BMP8A: variants seen among roughly 807,000 people sequenced by gnomAD.
BMP8A encodes the protein BMP-8A.
Under a neutral mutation model 36.8 loss-of-function variants are expected in BMP8A, and 14 were observed. The ratio of observed to expected loss-of-function variants is 0.38; its 90% CI spans 0.25 to 0.60. The LOEUF (loss-of-function observed/expected upper bound fraction) is 0.60, where lower values mean the gene tolerates loss of function less well. BMP8A is among the 20% of genes least tolerant of loss of function. The pLI is 0.63. For missense variants in BMP8A, 267 were observed against 551.1 expected, an observed-to-expected ratio of 0.48 and a Z score of 5.16; for synonymous variants, 120 against 237.7, an observed-to-expected ratio of 0.50 and a Z score of 4.55.
intron 1 of BMP8A, among the ~76,000 whole-genome samples, chr1:39,503,623 C>G (rs1307764769): frequency 6.6e-6 from 1 of 151,120 alleles, no homozygotes; most frequent in Non-Finnish European, 1.5e-5. Context: ...CAAGTGATTC[C>G]CCTGCCTCAG....
chr1:39,510,048 G>A (rs1363466005), intron 1 of BMP8A, among the ~76,000 whole-genome samples: 1 of 150,156 alleles, frequency 6.7e-6, no homozygotes, highest in East Asian at 2.0e-4. Flanking sequence ...TTCCAGCCTG[G>A]CCTCTACCCT....
chr1:39,522,396 C>T lies in BMP8A; in HGVS notation c.869-7C>T. Reference sequence around the variant, plus strand: ...CAGAAAAGACCTTGCCCCTTCTGTCCCTGCAGATGACGTCCGCGGCTCCCA... The same window carrying T: ...CAGAAAAGACCTTGCCCCTTCTGTCTCTGCAGATGACGTCCGCGGCTCCCA... On this transcript the variant is annotated splice_region_variant and splice_polypyrimidine_tract_variant and intron_variant, in intron 4 of 6. Transcript: ENST00000331593. 1 of 1,578,148 alleles carries T rather than the reference C, an allele frequency of 6.3e-7. No individual in the cohort carries two copies. Among genetic ancestry groups the T allele is most frequent in the Non-Finnish European group, 8.6e-7 (1 of 1,157,580 alleles).
intron 1 of BMP8A, among the ~76,000 whole-genome samples, chr1:39,494,255 G>A (rs546487242): frequency 6.6e-6 from 1 of 152,104 alleles, no homozygotes; most frequent in South Asian, 2.1e-4. Context: ...GCCAATCAAA[G>A]GTGTTTGTAC....
At chr1:39,511,132 G>A (rs372200794) in intron 1 of BMP8A, 42 bp from the exon 2 acceptor site, 47 of 1,305,502 alleles carry the variant, frequency 3.6e-5, no homozygotes, top group African/African-American at 1.0e-4. Context: ...TCCAGAGCCC[G>A]AGCCATTCTG....
At chr1:39,504,388 C>A (rs1342480592) in intron 1 of BMP8A, among the ~76,000 whole-genome samples, 6 of 152,314 alleles carry the variant, frequency 3.9e-5, no homozygotes, top group Admixed American at 3.9e-4. Flanking sequence ...AGAGGGTCAG[C>A]AGGAAAACAT....
intron 1 of BMP8A, among the ~76,000 whole-genome samples, chr1:39,500,517 A>G (rs969121338): frequency 6.6e-6 from 1 of 152,074 alleles, no homozygotes; most frequent in Admixed American, 6.5e-5. Context: ...AAACCTGTTC[A>G]AGGTGACCCG....
chr1:39,492,602 G>C (rs577274785), intron 1 of BMP8A, among the ~76,000 whole-genome samples: 2 of 152,346 alleles, frequency 1.3e-5, no homozygotes, highest in South Asian at 4.1e-4. Flanking sequence ...ATTAGGTGAT[G>C]TCTTTGCCCA....
chr1:39,497,421 C>T (rs1439248483), intron 1 of BMP8A, among the ~76,000 whole-genome samples: 3 of 152,138 alleles, frequency 2.0e-5, no homozygotes, highest in East Asian at 1.9e-4. Context: ...GGGGGCTGAT[C>T]GATTGTGCCC....
chr1:39,507,080 G>A lies in BMP8A; in HGVS notation c.335-4094G>A, dbSNP rs1288721430. On this transcript the variant is annotated intron_variant, in intron 1 of 6. Coordinates refer to ENST00000331593, the MANE Select transcript of BMP8A (RefSeq NM_181809.4). ...GATCACTGTCCCAGATTTTGCAGAC[G>A]GGGGAACTAGATGTACTGCCCAGAA... is the stretch of plus-strand genomic sequence containing the variant. Among the ~76,000 whole-genome samples, 3 of 152,264 alleles carry A rather than the reference G, an allele frequency of 2.0e-5. No individual in the cohort carries two copies. In the East Asian group the frequency reaches 5.8e-4, roughly 29 times the overall value.
At position 39,527,868 on chromosome 1, in the gene BMP8A, C is replaced by T. The variant is rs529910087; in HGVS notation, c.*2070C>T. On this transcript the variant is annotated 3_prime_UTR_variant, in exon 7 of 7. Transcript: ENST00000331593. ...ACATAGGACTCTTTAATTCCAAAGG[C>T]TCTTCCAACCCAGAGAACCCATCTG... Among the ~76,000 whole-genome samples the T allele has an allele frequency of 1.1e-4, 17 of 152,338 alleles. No homozygotes were observed. The highest frequency in any genetic ancestry group is 3.3e-4 in the Admixed American group (5 of 15,298).
At chr1:39,499,227 C>G (rs1439133579) in intron 1 of BMP8A, among the ~76,000 whole-genome samples, 10 of 152,134 alleles carry the variant, frequency 6.6e-5, no homozygotes, top group Admixed American at 6.5e-4. Context: ...CTGAGAGGGA[C>G]GGGGCCACCC....
intron 1 of BMP8A, among the ~76,000 whole-genome samples, chr1:39,499,157 G>A (rs1054466325): frequency 6.3e-4 from 96 of 152,360 alleles, no homozygotes; most frequent in African/African-American, 1.8e-3. Flanking sequence ...CATGGGGGCC[G>A]GGAGAGGCTG....
chr1:39,508,780 T>A (rs535856512), intron 1 of BMP8A, among the ~76,000 whole-genome samples: 1 of 152,306 alleles, frequency 6.6e-6, no homozygotes, highest in Admixed American at 6.5e-5. Flanking sequence ...CCTATTTCAG[T>A]GCCACACCCC....
At chr1:39,515,343 G>A in intron 3 of BMP8A, 1 of 866,574 alleles carries the variant, frequency 1.2e-6, no homozygotes, top group Non-Finnish European at 1.7e-6. Context: ...CCTGGCAGGA[G>A]AGCTGGAGCT....
chr1:39,525,422 T>TG (rs1645472900), intron 6 of BMP8A, among the ~76,000 whole-genome samples: 1 of 152,134 alleles, frequency 6.6e-6, no homozygotes, highest in African/African-American at 2.4e-5. Context: ...CCCCACACCC[T>TG]GGGGCTGCCA....
At chr1:39,499,008 C>T (rs1019542187) in intron 1 of BMP8A, among the ~76,000 whole-genome samples, 3 of 151,938 alleles carry the variant, frequency 2.0e-5, no homozygotes, top group African/African-American at 7.3e-5. Context: ...GGCCGGGGCA[C>T]CCCCGCTCTG....
rs1226755150 is a variant in BMP8A at position 39,528,503 on chromosome 1, G to C, written c.*2705G>C. 6.6e-6 allele frequency among the ~76,000 whole-genome samples: 1 copy of C among 152,208 alleles called. No individual in the cohort carries two copies. The highest frequency in any genetic ancestry group is 1.5e-5 in the Non-Finnish European group (1 of 68,038). On this transcript the variant is annotated 3_prime_UTR_variant, in exon 7 of 7. Transcript: ENST00000331593. ...TTGGTGCAGAACAACCCCCAACCCA[G>C]TGGCCATCTTCACAACTGCAGCACA...
At chr1:39,496,328 G>A (rs1645204887) in intron 1 of BMP8A, among the ~76,000 whole-genome samples, 1 of 149,832 alleles carries the variant, frequency 6.7e-6, no homozygotes, top group Non-Finnish European at 1.5e-5. Context: ...GTAATTGTCG[G>A]GTGTGCTAGA....
At chr1:39,504,076 A>G (rs1325853171) in intron 1 of BMP8A, among the ~76,000 whole-genome samples, 1 of 152,254 alleles carries the variant, frequency 6.6e-6, no homozygotes, top group Non-Finnish European at 1.5e-5. Context: ...GCCACTAGTA[A>G]TAAGATAGAT....
Sources: allele counts gnomAD v4.1 joint callset (sites outside exome capture counted in the v4.1 genomes callset), GRCh38; gene constraint gnomAD v4.1.1; transcripts MANE v1.5; gene names NCBI Gene and HGNC (gene_info 2026-07-23, HGNC 2026-07-21).